ILDR2: variants seen among roughly 807,000 people sequenced by gnomAD.
The protein encoded by ILDR2 is immunoglobulin like domain containing receptor 2.
ILDR2 carries 25 observed loss-of-function variants against 66.8 expected under a neutral mutation model. The observed-to-expected ratio is 0.37, with a 90% CI of 0.27 to 0.52. The LOEUF (loss-of-function observed/expected upper bound fraction) is 0.52, where lower values mean the gene tolerates loss of function less well. Among genes scored for constraint, ILDR2 ranks in the 20% least tolerant of loss-of-function variants. The probability of loss-of-function intolerance (pLI) is 0.88; values close to 1 mark genes in which losing one functional copy is unlikely to be tolerated. For synonymous variants in ILDR2, 367 were observed against 357.2 expected, an observed-to-expected ratio of 1.03 and a Z score of -0.31; for missense variants, 827 against 876.8, an observed-to-expected ratio of 0.94 and a Z score of 0.72.
chr1:166,898,293 G>C (rs564109976), intron 2 of ILDR2, among the ~76,000 whole-genome samples: 5 of 152,158 alleles, frequency 3.3e-5, no homozygotes, highest in Non-Finnish European at 7.4e-5. Context: ...ACAGGATGTT[G>C]AAATAGAAAT....
At chr1:166,902,024 C>T (rs1055254941) in intron 2 of ILDR2, among the ~76,000 whole-genome samples, 5 of 152,200 alleles carry the variant, frequency 3.3e-5, no homozygotes, top group Non-Finnish European at 7.3e-5. Flanking sequence ...GCATGCCCGG[C>T]TAATTTTTCA....
rs1659716313 is a variant in ILDR2, at chr1:166,918,254, T to C, written c.*1101A>G. 6.6e-6 allele frequency: 1 copy of C among 152,220 alleles called. No individual in the cohort carries two copies. The highest frequency in any genetic ancestry group is 2.4e-5 in the African/African-American group (1 of 41,458). 9.4% of individuals were successfully genotyped at this position (152,220 alleles called of 1,614,324 possible). ...CAGTCTAGTCAGGCCAAATGCTGTA[T>C]GTTCCACATCCCCCATGTCCTAGAA... On this transcript the variant is annotated 3_prime_UTR_variant, in exon 10 of 10. Coordinates refer to ENST00000271417, the MANE Select transcript of ILDR2 (RefSeq NM_199351.3).
intron 9 of ILDR2, among the ~76,000 whole-genome samples, 165 bp from the exon 10 acceptor site, chr1:166,919,555 T>C (rs770077811): frequency 6.6e-6 from 1 of 152,198 alleles, no homozygotes; most frequent in East Asian, 1.9e-4. Context: ...TAAGCCTCAG[T>C]AGAGGCTAAA....
chr1:166,973,479 C>T (rs954903633), intron 1 of ILDR2, among the ~76,000 whole-genome samples: 4 of 152,040 alleles, frequency 2.6e-5, no homozygotes, highest in Non-Finnish European at 5.9e-5. Context: ...GATTCCATTT[C>T]ATAAAAAGCT....
At chr1:166,931,754 G>A (rs1571131127) in intron 6 of ILDR2, among the ~76,000 whole-genome samples, 1 of 152,162 alleles carries the variant, frequency 6.6e-6, no homozygotes, top group South Asian at 2.1e-4. Context: ...TGAGGGAAGT[G>A]GGGGAGAAGG....
At chr1:166,924,887 A>G (rs1163310874) in intron 7 of ILDR2, among the ~76,000 whole-genome samples, 1 of 152,104 alleles carries the variant, frequency 6.6e-6, no homozygotes, top group Non-Finnish European at 1.5e-5. Flanking sequence ...ATGGTGGCAC[A>G]TGCCTGTGGT....
rs970975033 is a variant in ILDR2 at position 166,975,038 on chromosome 1, A to T, written c.46+185T>A. ...CCATCATTCTCTCTCTCTCTCTCTC[A>T]CACACACACACACAAACACATACAC... On this transcript the variant is annotated intron_variant, in intron 1 of 9. Transcript: ENST00000271417. Among the ~76,000 whole-genome samples, 9 of 91,514 alleles carry T rather than the reference A, an allele frequency of 9.8e-5. No individual in the cohort carries two copies. Among genetic ancestry groups the T allele is most frequent in the East Asian group, 7.4e-4 (2 of 2,692 alleles). The allele number at this position is 91,514 out of a possible 152,430, so 60.0% of individuals were successfully genotyped here.
At chr1:166,925,698 A>G (rs547981795) in intron 7 of ILDR2, among the ~76,000 whole-genome samples, 2 of 152,254 alleles carry the variant, frequency 1.3e-5, no homozygotes, top group South Asian at 4.2e-4. Context: ...TCACCTGCAC[A>G]CTACAAAGGT....
intron 6 of ILDR2, among the ~76,000 whole-genome samples, chr1:166,927,394 A>G (rs1645315307): frequency 6.6e-6 from 1 of 152,264 alleles, no homozygotes; most frequent in Admixed American, 6.5e-5. Flanking sequence ...CTAAAGGTCA[A>G]CAACAAAATT....
At chr1:166,942,598 T>G (rs1219382530) in intron 3 of ILDR2, among the ~76,000 whole-genome samples, 1 of 152,220 alleles carries the variant, frequency 6.6e-6, no homozygotes, top group African/African-American at 2.4e-5. Context: ...AATCATGAGT[T>G]TGCAACCTCT....
chr1:166,924,419 A>G (rs1660150215), intron 7 of ILDR2, among the ~76,000 whole-genome samples: 1 of 152,152 alleles, frequency 6.6e-6, no homozygotes, highest in African/African-American at 2.4e-5. Flanking sequence ...TATCTAGATA[A>G]TGAGGACGAT....
chr1:166,922,565 G>C, intron 8 of ILDR2, 28 bp downstream of exon 8: 12 of 1,598,856 alleles, frequency 7.5e-6, no homozygotes, highest in Middle Eastern at 2.1e-4. Context: ...CCCTCACACC[G>C]ACCAGACCTG....
chr1:166,902,074 G>A (rs546714958), intron 2 of ILDR2, among the ~76,000 whole-genome samples: 4 of 152,272 alleles, frequency 2.6e-5, no homozygotes, highest in South Asian at 2.1e-4. Flanking sequence ...TGGTCAGGCC[G>A]GTCTCAAACT....
At chr1:166,900,840 AGT>A (rs1303085202) in intron 2 of ILDR2, among the ~76,000 whole-genome samples, 1 of 152,210 alleles carries the variant, frequency 6.6e-6, no homozygotes, top group East Asian at 1.9e-4. Context: ...TGGTATGGGT[AGT>A]TCTAAGTTAC....
intron 6 of ILDR2, among the ~76,000 whole-genome samples, chr1:166,932,117 C>G (rs771892680): frequency 1.3e-5 from 2 of 152,156 alleles, no homozygotes; most frequent in Non-Finnish European, 2.9e-5. Context: ...CCAGCATACA[C>G]AGAGATAGGT....
Position 166,927,217 on chromosome 1 carries a change from G to A in ILDR2, c.881-37C>T, listed in dbSNP as rs771412943. 5.1e-6 allele frequency: 7 copies of A among 1,382,156 alleles called. No individual in the cohort carries two copies. The South Asian group carries it at 7.3e-5, about 14-fold the overall frequency. The allele number at this position is 1,382,156 out of a possible 1,614,324, so 85.6% of individuals were successfully genotyped here. A position where few individuals can be genotyped will look rare whatever the true frequency, so the allele number is the denominator to read the frequency against. ...AGCACAAGAAGGTGAGCTGAAAAAG[G>A]AAAATATCAGGAGAAGGAGGCCTCC... On this transcript the variant is annotated intron_variant, in intron 6 of 9. Coordinates refer to ENST00000271417, the MANE Select transcript of ILDR2 (RefSeq NM_199351.3).
At chr1:166,900,957 C>T (rs1659253682) in intron 2 of ILDR2, among the ~76,000 whole-genome samples, 1 of 152,176 alleles carries the variant, frequency 6.6e-6, no homozygotes, top group African/African-American at 2.4e-5. Context: ...ACAATTTACT[C>T]TGATGTTTAA....
chr1:166,943,579 GATTTATGCTGAAT>G (rs777692019), intron 3 of ILDR2, among the ~76,000 whole-genome samples: 13 of 151,348 alleles, frequency 8.6e-5, no homozygotes, highest in South Asian at 4.2e-4. Context: ...TTAAAAAGTG[GATTTATGCTGAAT>G]ATTTATGCTG....
rs183099550 is a variant in ILDR2, at chr1:166,959,094, T to C, written c.47-993A>G. On this transcript the variant is annotated intron_variant, in intron 1 of 9. Coordinates refer to ENST00000271417, the MANE Select transcript of ILDR2 (RefSeq NM_199351.3). ...TATCCTGTTTCATGCCTCCAGGTCT[T>C]TGCACATGATGTCTCCTGTTTCTGG... Among the ~76,000 whole-genome samples the C allele has an allele frequency of 1.4e-4, 22 of 152,358 alleles. No individual in the cohort carries two copies. The East Asian group carries it at 3.7e-3, about 25-fold the overall frequency.
Sources: gnomAD v4.1 joint callset for allele counts (sites outside exome capture counted in the v4.1 genomes callset) on GRCh38, gnomAD v4.1.1 for gene constraint, MANE v1.5 for transcripts, NCBI Gene and HGNC (gene_info 2026-07-23, HGNC 2026-07-21) for gene names.